The following FAM81A variants were observed in gnomAD, a reference collection of about 807,000 sequenced individuals.
FAM81A encodes family with sequence similarity 81 member A.
FAM81A carries 19 observed loss-of-function variants against 46.7 expected under a neutral mutation model. The observed-to-expected ratio is 0.41, with a 90% CI of 0.28 to 0.60. The LOEUF (loss-of-function observed/expected upper bound fraction) is 0.60. Among genes scored for constraint, FAM81A ranks in the 20% least tolerant of loss-of-function variants. The probability of loss-of-function intolerance (pLI) is 0.34; values close to 1 mark genes in which losing one functional copy is unlikely to be tolerated. For missense variants in FAM81A, 377 were observed against 453.5 expected (o/e 0.83, Z 1.53); for synonymous variants, 183 against 152.9 (o/e 1.20, Z -1.45).
intron 4 of FAM81A, among the ~76,000 whole-genome samples, chr15:59,499,847 T>A (rs1170618166): frequency 2.2e-4 from 33 of 151,202 alleles, no homozygotes; most frequent in African/African-American, 8.1e-4. Flanking sequence ...TTTCTATGTC[T>A]TTTTCATTTT....
intron 2 of FAM81A, among the ~76,000 whole-genome samples, chr15:59,412,872 T>A (rs2141541035): frequency 6.6e-6 from 1 of 152,246 alleles, no homozygotes; most frequent in East Asian, 1.9e-4. Context: ...CTGTTGACAT[T>A]AAAATTAGCC....
At chr15:59,406,319 G>A (rs776922674) in intron 2 of FAM81A, among the ~76,000 whole-genome samples, 1 of 152,176 alleles carries the variant, frequency 6.6e-6, no homozygotes, top group African/African-American at 2.4e-5. Context: ...TATGAGATAC[G>A]CACTATCATC....
intron 2 of FAM81A, among the ~76,000 whole-genome samples, chr15:59,433,185 C>CA (rs2081228745): frequency 2.1e-5 from 1 of 47,308 alleles, no homozygotes; most frequent in African/African-American, 8.0e-5. Context: ...GGGCTGGGTG[C>CA]AGTGACTCAC....
chr15:59,470,460 C>T lies in FAM81A; in HGVS notation c.294+10254C>T, dbSNP rs541860319. On this transcript the variant is annotated intron_variant, in intron 3 of 8. Transcript: ENST00000288228. The stretch of plus-strand genomic sequence containing the variant: ...TCCTTTATTTCATTAATTTTGTCTT[C>T]AATCACTGATACCCTTTCTTCCACT... 7.2e-5 allele frequency among the ~76,000 whole-genome samples: 11 copies of T among 152,278 alleles called. No individual in the cohort carries two copies. The South Asian group carries it at 2.3e-3, about 32-fold the overall frequency.
chr15:59,514,970 C>T (rs2082251570), intron 7 of FAM81A, among the ~76,000 whole-genome samples: 1 of 152,128 alleles, frequency 6.6e-6, no homozygotes, highest in South Asian at 2.1e-4. Flanking sequence ...TTGTGCCGGG[C>T]ACTGTGGCTC....
intron 2 of FAM81A, among the ~76,000 whole-genome samples, chr15:59,415,450 T>C (rs1440084929): frequency 6.6e-6 from 1 of 152,090 alleles, no homozygotes; most frequent in African/African-American, 2.4e-5. Flanking sequence ...CAGCTGATCT[T>C]GAGATGGGGC....
At chr15:59,482,348 G>C (rs927252272) in intron 3 of FAM81A, among the ~76,000 whole-genome samples, 10 of 152,106 alleles carry the variant, frequency 6.6e-5, no homozygotes, top group African/African-American at 2.4e-4. Context: ...GGCTCACTAC[G>C]ATCTCCACTA....
chr15:59,449,748 C>G (rs1219543196), intron 1 of FAM81A, among the ~76,000 whole-genome samples: 1 of 124,430 alleles, frequency 8.0e-6, no homozygotes, highest in Non-Finnish European at 1.6e-5. Context: ...CGCCACTGCA[C>G]TCCAGCCTGG....
upstream of FAM81A, among the ~76,000 whole-genome samples, chr15:59,437,740 T>C (rs888292377): frequency 2.6e-5 from 4 of 152,006 alleles, no homozygotes; most frequent in African/African-American, 9.7e-5. Flanking sequence ...GGAAAGCGGT[T>C]TAGTAAATAA....
chr15:59,470,725 C>G (rs1221479373), intron 3 of FAM81A, among the ~76,000 whole-genome samples: 1 of 152,200 alleles, frequency 6.6e-6, no homozygotes, highest in Non-Finnish European at 1.5e-5. Context: ...CAAGGTCATT[C>G]TCCATCCAGC....
intron 1 of FAM81A, among the ~76,000 whole-genome samples, chr15:59,454,238 G>A (rs1161187173): frequency 6.6e-6 from 1 of 152,042 alleles, no homozygotes; most frequent in Non-Finnish European, 1.5e-5. Context: ...TGATGGTTGG[G>A]CATAATGTAT....
At position 59,401,848 on chromosome 15, in the gene FAM81A, G is replaced by A. The variant is rs982159491; in HGVS notation, c.-160-428G>A. 6 of 745,842 alleles carry A rather than the reference G, an allele frequency of 8.0e-6. No homozygotes were observed. The South Asian group carries it at 8.7e-5, about 11-fold the overall frequency. The allele number at this position is 745,842 out of a possible 1,614,324, so 46.2% of individuals were successfully genotyped here. A position where few individuals can be genotyped will look rare whatever the true frequency, so the allele number is the denominator to read the frequency against. ...ATTTGTATTTTCTCAGCATGGCCCTGTTTATGGTAAGGCTTAGCCTTGAGA... is the reference window on the plus strand; with the variant it reads ...ATTTGTATTTTCTCAGCATGGCCCTATTTATGGTAAGGCTTAGCCTTGAGA... On this transcript the variant is annotated intron_variant, in intron 1 of 4. Coordinates refer to the FAM81A transcript ENST00000558348.
chr15:59,481,392 A>AT (rs1173216302), intron 3 of FAM81A, among the ~76,000 whole-genome samples: 18 of 151,278 alleles, frequency 1.2e-4, no homozygotes, highest in African/African-American at 2.9e-4. Context: ...TTTAAAGCAC[A>AT]TTTTTTTTTC....
intron 1 of FAM81A, among the ~76,000 whole-genome samples, chr15:59,452,677 T>A (rs1017604452): frequency 6.6e-6 from 1 of 152,198 alleles, no homozygotes; most frequent in South Asian, 2.1e-4. Flanking sequence ...GTGATGTATA[T>A]CTTTATATAT....
At chr15:59,478,183 C>T (rs1194609103) in intron 3 of FAM81A, among the ~76,000 whole-genome samples, 1 of 152,080 alleles carries the variant, frequency 6.6e-6, no homozygotes, top group Non-Finnish European at 1.5e-5. Flanking sequence ...CCTTTGGGAA[C>T]CATGCAGTGG....
At position 59,458,656 on chromosome 15, in the gene FAM81A, T is replaced by G; in HGVS notation, c.20+10T>G. The G allele has an allele frequency of 6.2e-7, 1 of 1,611,164 alleles. No homozygotes were observed. The highest frequency in any genetic ancestry group is 8.5e-7 in the Non-Finnish European group (1 of 1,177,266). On this transcript the variant is annotated intron_variant, in intron 2 of 8. Transcript: ENST00000288228. ...AAAATATGCATCTAAGGTATACTTT[T>G]CCTTTCCACTCATCCCATGGGGGCT...
chr15:59,454,897 A>G (rs1490502202), intron 1 of FAM81A, among the ~76,000 whole-genome samples: 1 of 150,812 alleles, frequency 6.6e-6, no homozygotes, highest in Non-Finnish European at 1.5e-5. Context: ...TTAGCCTCCC[A>G]GGTAGGACTA....
chr15:59,481,174 T>A (rs1448517629), intron 3 of FAM81A, among the ~76,000 whole-genome samples: 5 of 151,524 alleles, frequency 3.3e-5, no homozygotes, highest in African/African-American at 1.2e-4. Flanking sequence ...AAAAAAAAAA[T>A]GTGTGTAGAG....
At chr15:59,457,475 A>G (rs931038831) in intron 1 of FAM81A, among the ~76,000 whole-genome samples, 4 of 152,214 alleles carry the variant, frequency 2.6e-5, no homozygotes, top group Non-Finnish European at 5.9e-5. Flanking sequence ...ATGAGTATGT[A>G]TGTGTAGAAA....
Sources: allele counts gnomAD v4.1 joint callset (sites outside exome capture counted in the v4.1 genomes callset), GRCh38; gene constraint gnomAD v4.1.1; transcripts MANE v1.5; gene names NCBI Gene and HGNC (gene_info 2026-07-23, HGNC 2026-07-21).